NCOA3: variants seen among roughly 807,000 people sequenced by gnomAD.
NCOA3 encodes the protein nuclear receptor coactivator 3.
A neutral mutation model predicts 158.8 loss-of-function variants in NCOA3; 51 were observed. That is an observed-to-expected ratio of 0.32 (90% CI 0.26 to 0.41). NCOA3 has a LOEUF of 0.41. Among genes scored for constraint, NCOA3 ranks in the 10% least tolerant of loss-of-function variants. The pLI, the probability that NCOA3 is intolerant of heterozygous loss-of-function variation, is 1.00. For synonymous variants in NCOA3, 537 were observed against 592.4 expected, an observed-to-expected ratio of 0.91 and a Z score of 1.36; for missense variants, 1,510 against 1,746.6, an observed-to-expected ratio of 0.86 and a Z score of 2.41.
In NCOA3 at chr20:47,651,113, G is replaced by GCAGCAGCAA. The variant is rs749960421; in HGVS notation, c.3789_3797dup (p.Gln1274_Gln1276dup). The GCAGCAGCAA allele has an allele frequency of 5.0e-6, 8 of 1,592,654 alleles. No homozygotes were observed. The South Asian group carries it at 6.7e-5, about 13-fold the overall frequency. ...AGCAACAGCAGCAGCAGCAGCAGCA[G>GCAGCAGCAA]CAGCAGCAACAGCAACAGCAACAGC... is the stretch of plus-strand genomic sequence containing the variant. On this transcript the variant is annotated inframe_insertion, in exon 20 of 23. Transcript: ENST00000371998.
chr20:47,585,921 C>T (rs911466382), intron 2 of NCOA3, among the ~76,000 whole-genome samples: 2 of 149,658 alleles, frequency 1.3e-5, no homozygotes, highest in Non-Finnish European at 3.0e-5. Context: ...GAACTATCTC[C>T]ACAGGTTTTT....
chr20:47,529,668 C>T (rs1246782078), intron 1 of NCOA3, among the ~76,000 whole-genome samples: 1 of 152,234 alleles, frequency 6.6e-6, no homozygotes, highest in Non-Finnish European at 1.5e-5. Flanking sequence ...GGCTCAACCT[C>T]TCAAAGTGTT....
intron 14 of NCOA3, 70 bp from the exon 15 acceptor site, chr20:47,639,507 T>C: frequency 6.4e-7 from 1 of 1,568,582 alleles, no homozygotes; most frequent in Non-Finnish European, 8.7e-7. Context: ...GTATAATGGC[T>C]GTACTTACAT....
rs72645275 is a variant in NCOA3, at chr20:47,639,553, C to T, written c.2708-24C>T. ...GGATTTCATTATAATATGGAAAAGA[C>T]CTAAGTATGGCTACCTGTTTTAGGT... is the stretch of plus-strand genomic sequence containing the variant. On this transcript the variant is annotated intron_variant, in intron 14 of 22. Transcript: ENST00000371998. 2.2e-3 allele frequency: 3,526 copies of T among 1,611,458 alleles called. 73 individuals carry two copies. The African/African-American group carries it at 0.043, about 20-fold the overall frequency.
At chr20:47,515,317 C>T (rs1402340575) in intron 1 of NCOA3, among the ~76,000 whole-genome samples, 1 of 151,838 alleles carries the variant, frequency 6.6e-6, no homozygotes, top group Admixed American at 6.6e-5. Context: ...CGCGCACCAC[C>T]ATGCCTGGTT....
chr20:47,646,947 C>T, intron 17 of NCOA3, 126 bp from the exon 18 acceptor site: 1 of 761,672 alleles, frequency 1.3e-6, no homozygotes, highest in Non-Finnish European at 2.1e-6. Flanking sequence ...TGATGCCTGG[C>T]ACATAACAAG....
At chr20:47,647,977 T>G (rs2086719490) in intron 18 of NCOA3, among the ~76,000 whole-genome samples, 2 of 150,218 alleles carry the variant, frequency 1.3e-5, no homozygotes, top group Admixed American at 1.3e-4. Context: ...TGCAGTGGCA[T>G]GATCTTGGCT....
chr20:47,631,305 T>A (rs2086414606), intron 8 of NCOA3: 1 of 152,272 alleles, frequency 6.6e-6, no homozygotes, highest in South Asian at 2.1e-4. Context: ...CCTTGAGCCC[T>A]TTTGACTAGT....
At chr20:47,539,995 C>G (rs568569744) in intron 1 of NCOA3, among the ~76,000 whole-genome samples, 1 of 152,314 alleles carries the variant, frequency 6.6e-6, no homozygotes, top group African/African-American at 2.4e-5. Context: ...ATGAAACCTT[C>G]TAGAGTTGGA....
rs1465009772 is a variant in NCOA3 at position 47,524,656 on chromosome 20, CAGAG to C, written c.-99+22638_-99+22641del. ...AAGAGGAAGCTCCCTGGTACAGAGA[CAGAG>C]GGAGGGGGCTCCAAAGCCAAAAGAG... On this transcript the variant is annotated intron_variant, in intron 1 of 22. Transcript: ENST00000371998. Among the ~76,000 whole-genome samples, 6 of 152,198 alleles carry C rather than the reference CAGAG, an allele frequency of 3.9e-5. No individual in the cohort carries two copies. The South Asian group carries it at 6.2e-4, about 16-fold the overall frequency.
chr20:47,582,779 A>AG (rs1276281063), intron 1 of NCOA3, among the ~76,000 whole-genome samples: 4 of 152,186 alleles, frequency 2.6e-5, no homozygotes, highest in Non-Finnish European at 5.9e-5. Flanking sequence ...TCATATATCC[A>AG]GGGAAGGGAA....
chr20:47,629,704 T>C (rs1021985689), intron 8 of NCOA3, among the ~76,000 whole-genome samples: 1 of 152,232 alleles, frequency 6.6e-6, no homozygotes, highest in East Asian at 1.9e-4. Flanking sequence ...GCAATTGTTA[T>C]ATATTATTTT....
chr20:47,562,194 G>T (rs1390290998), intron 1 of NCOA3, among the ~76,000 whole-genome samples: 1 of 152,182 alleles, frequency 6.6e-6, no homozygotes, highest in Non-Finnish European at 1.5e-5. Flanking sequence ...TAGCAATTAT[G>T]AATAAAGCTG....
intron 1 of NCOA3, among the ~76,000 whole-genome samples, chr20:47,574,488 A>AT (rs10626049): frequency 0.02 from 2,855 of 144,036 alleles, 69 homozygotes; most frequent in African/African-American, 0.053. Context: ...GTATATTTTG[A>AT]TTTTTTTTTT....
intron 1 of NCOA3, among the ~76,000 whole-genome samples, chr20:47,552,579 T>C (rs2084941082): frequency 6.6e-6 from 1 of 152,232 alleles, no homozygotes; most frequent in Non-Finnish European, 1.5e-5. Flanking sequence ...TCTATCTACC[T>C]AGGTTCTATT....
At position 47,512,627 on chromosome 20, in the gene NCOA3, T is replaced by C. The variant is rs2084165443; in HGVS notation, c.-99+10608T>C. Among the ~76,000 whole-genome samples, 3 of 145,730 alleles carry C rather than the reference T, an allele frequency of 2.1e-5. No homozygotes were observed. In the South Asian group the frequency reaches 6.5e-4, roughly 32 times the overall value. On this transcript the variant is annotated intron_variant, in intron 1 of 22. Coordinates refer to ENST00000371998, the MANE Select transcript of NCOA3 (RefSeq NM_181659.3). The stretch of plus-strand genomic sequence containing the variant: ...ATACAGAGACTTCACAGAAAAAAGG[T>C]ACACCAGTGGCAAGTAAGTACGAAA...
chr20:47,555,025 A>T (rs1392163290), intron 1 of NCOA3, among the ~76,000 whole-genome samples: 1 of 152,224 alleles, frequency 6.6e-6, no homozygotes, highest in Non-Finnish European at 1.5e-5. Context: ...GACCAATGGA[A>T]CAGAACAGAG....
At chr20:47,517,781 ACTC>A (rs1198195541) in intron 1 of NCOA3, among the ~76,000 whole-genome samples, 1 of 151,306 alleles carries the variant, frequency 6.6e-6, no homozygotes, top group Non-Finnish European at 1.5e-5. Flanking sequence ...TAGATTATAA[ACTC>A]CTAGATCACA....
At chr20:47,627,788 A>G (rs764464264) in intron 7 of NCOA3, 39 bp downstream of exon 7, 1 of 1,597,254 alleles carries the variant, frequency 6.3e-7, no homozygotes, top group South Asian at 1.1e-5. Flanking sequence ...CATGAAACAA[A>G]TAGTGGCCAT....
Sources: allele counts gnomAD v4.1 joint callset (sites outside exome capture counted in the v4.1 genomes callset), GRCh38; gene constraint gnomAD v4.1.1; transcripts MANE v1.5; gene names NCBI Gene and HGNC (gene_info 2026-07-23, HGNC 2026-07-21).